Variants in TAS2R1 observed in about 807,000 individuals in gnomAD.
TAS2R1 encodes the protein taste 2 receptor member 1, also known as taste receptor type 2 member 1.
For synonymous variants in TAS2R1, 141 were observed against 134.2 expected (o/e 1.05, Z -0.35); for missense variants, 370 against 353.4 (o/e 1.05, Z -0.38).
chr5:9,803,505 A>T, the TAS2R1 span, among the ~76,000 whole-genome samples: 2 of 152,244 alleles, frequency 1.3e-5, no homozygotes, highest in Admixed American at 1.3e-4. Flanking sequence ...GCATCAGGTA[A>T]TCTATAAAGG....
upstream of TAS2R1, among the ~76,000 whole-genome samples, chr5:9,714,685 C>T (rs1734769620): frequency 6.6e-6 from 1 of 152,240 alleles, no homozygotes; most frequent in African/African-American, 2.4e-5. Context: ...ATGGCTGACA[C>T]TATTCCTGCT....
chr5:9,893,823 C>T, the TAS2R1 span, among the ~76,000 whole-genome samples: 14,387 of 152,158 alleles, frequency 0.095, 678 homozygotes, highest in African/African-American at 0.099. Context: ...GGAGGAAGGT[C>T]CCATGAATCT....
chr5:9,732,215 G>C, the TAS2R1 span, among the ~76,000 whole-genome samples: 1,295 of 152,284 alleles, frequency 8.5e-3, 11 homozygotes, highest in Admixed American at 0.022. Flanking sequence ...CAAGAGCCAA[G>C]GCCCTGAAGC....
intron 1 of TAS2R1, among the ~76,000 whole-genome samples, chr5:9,701,060 A>G (rs1468237332): frequency 6.6e-6 from 1 of 152,172 alleles, no homozygotes; most frequent in African/African-American, 2.4e-5. Flanking sequence ...GGAGTTGTTC[A>G]ACACTCCTGA....
At chr5:9,853,402 A>T in the TAS2R1 span, among the ~76,000 whole-genome samples, 18 of 152,206 alleles carry the variant, frequency 1.2e-4, no homozygotes, top group Non-Finnish European at 1.9e-4. Context: ...GGGGTAGATT[A>T]TTCAGAAATT....
intron 1 of TAS2R1, among the ~76,000 whole-genome samples, chr5:9,677,431 CA>C (rs1047139914): frequency 1.5e-5 from 2 of 137,568 alleles, no homozygotes; most frequent in African/African-American, 2.7e-5. Flanking sequence ...AAAAGAGAAC[CA>C]AAAGACAAGA....
chr5:9,715,586 G>T (rs945990044), upstream of TAS2R1, among the ~76,000 whole-genome samples: 3 of 152,336 alleles, frequency 2.0e-5, no homozygotes, highest in African/African-American at 4.8e-5. Context: ...GACAGGACAG[G>T]TGGGTTTCAA....
chr5:9,758,487 T>C, the TAS2R1 span, among the ~76,000 whole-genome samples: 3 of 152,162 alleles, frequency 2.0e-5, no homozygotes, highest in South Asian at 2.1e-4. Context: ...GAGCTCAAAA[T>C]AGACAAACAA....
chr5:9,686,784 T>C (rs986674719), intron 1 of TAS2R1, among the ~76,000 whole-genome samples: 31 of 152,116 alleles, frequency 2.0e-4, no homozygotes, highest in Admixed American at 3.3e-4. Flanking sequence ...TATAGGGAAA[T>C]CCTTCTACTA....
At chr5:9,635,956 T>C (rs1739955865) in intron 2 of TAS2R1, among the ~76,000 whole-genome samples, 1 of 152,092 alleles carries the variant, frequency 6.6e-6, no homozygotes, top group African/African-American at 2.4e-5. Flanking sequence ...TGATATTTGT[T>C]ATTTCTTTTT....
chr5:9,692,159 G>A (rs1202502750), intron 1 of TAS2R1, among the ~76,000 whole-genome samples: 2 of 152,146 alleles, frequency 1.3e-5, no homozygotes, highest in Non-Finnish European at 2.9e-5. Flanking sequence ...CTTGGTTCGT[G>A]TGAAAGGACA....
the TAS2R1 span, among the ~76,000 whole-genome samples, chr5:9,820,050 A>T: frequency 6.6e-6 from 1 of 152,062 alleles, no homozygotes; most frequent in African/African-American, 2.4e-5. Flanking sequence ...TATAAAATAA[A>T]ATTGGGGATC....
upstream of TAS2R1, among the ~76,000 whole-genome samples, chr5:9,633,266 AGT>A (rs141170591): frequency 0.02 from 2,433 of 120,852 alleles, 187 homozygotes; most frequent in East Asian, 0.14. Flanking sequence ...AGTATTCCAT[AGT>A]GTGTGTGTGT....
upstream of TAS2R1, among the ~76,000 whole-genome samples, chr5:9,630,959 T>C (rs1301391787): frequency 6.6e-6 from 1 of 152,194 alleles, no homozygotes; most frequent in Non-Finnish European, 1.5e-5. Context: ...GTTTTCTCAG[T>C]CTTTACATTA....
At chr5:9,754,526 T>C in the TAS2R1 span, among the ~76,000 whole-genome samples, 1 of 152,234 alleles carries the variant, frequency 6.6e-6, no homozygotes, top group African/African-American at 2.4e-5. Context: ...CAAAGTCTCC[T>C]TAAGCTGATA....
chr5:9,891,736 A>G, the TAS2R1 span, among the ~76,000 whole-genome samples: 1 of 152,214 alleles, frequency 6.6e-6, no homozygotes, highest in Non-Finnish European at 1.5e-5. Context: ...AACAGATATT[A>G]GACCAGGACT....
At chr5:9,630,495 T>C (rs143942907), upstream of TAS2R1, 2 of 165,856 alleles carry the variant, frequency 1.2e-5, no homozygotes, top group African/African-American at 2.4e-5. Context: ...ACTTATGTTA[T>C]GATGATATGG....
At chr5:9,824,255 T>G in the TAS2R1 span, among the ~76,000 whole-genome samples, 1 of 152,176 alleles carries the variant, frequency 6.6e-6, no homozygotes, top group Non-Finnish European at 1.5e-5. Flanking sequence ...CAGTCCATAA[T>G]CCTATCTCTC....
the TAS2R1 span, among the ~76,000 whole-genome samples, chr5:9,847,246 G>A: frequency 2.0e-5 from 3 of 152,194 alleles, no homozygotes; most frequent in African/African-American, 7.2e-5. Flanking sequence ...ATAAGAAAAT[G>A]TTTGTACTTC....
Sources: allele counts gnomAD v4.1 joint callset (sites outside exome capture counted in the v4.1 genomes callset), GRCh38; gene constraint gnomAD v4.1.1; transcripts MANE v1.5; gene names NCBI Gene and HGNC (gene_info 2026-07-23, HGNC 2026-07-21).